LRP1B: variants seen among roughly 807,000 people sequenced by gnomAD.
The protein encoded by LRP1B is low-density lipoprotein receptor-related protein 1B.
A neutral mutation model predicts 556.6 loss-of-function variants in LRP1B; 217 were observed. The ratio of observed to expected loss-of-function variants is 0.39; its 90% CI spans 0.35 to 0.44. LRP1B has a LOEUF of 0.44. Ranked by LOEUF, LRP1B falls within the 20% of genes least tolerant of loss-of-function variation. LRP1B has a pLI of 1.00. For missense variants in LRP1B, 5,053 were observed against 5,620.8 expected (o/e 0.90, Z 3.23); for synonymous variants, 2,047 against 1,865.8 (o/e 1.10, Z -2.50).
chr2:140,620,927 T>C (rs1375846114), intron 41 of LRP1B, among the ~76,000 whole-genome samples: 1 of 152,102 alleles, frequency 6.6e-6, no homozygotes, highest in Non-Finnish European at 1.5e-5. Flanking sequence ...CCAGGATTGT[T>C]TTAATAGCAT....
intron 2 of LRP1B, among the ~76,000 whole-genome samples, chr2:141,667,391 T>C (rs1690483862): frequency 6.6e-6 from 1 of 152,164 alleles, no homozygotes; most frequent in African/African-American, 2.4e-5. Flanking sequence ...TATACGTATA[T>C]TTAAAAGAAA....
At chr2:140,633,141 G>A (rs1683951039) in intron 41 of LRP1B, among the ~76,000 whole-genome samples, 1 of 151,452 alleles carries the variant, frequency 6.6e-6, no homozygotes, top group South Asian at 2.1e-4. Context: ...ATGAGATGGA[G>A]AAAAATATAC....
At chr2:140,923,258 A>G (rs962470101) in intron 20 of LRP1B, 111 bp from the exon 21 acceptor site, 7 of 729,064 alleles carry the variant, frequency 9.6e-6, no homozygotes, top group East Asian at 2.7e-5. Context: ...TTCAGGCATT[A>G]TTATAATGCT....
chr2:141,846,965 C>T (rs1321809203), intron 1 of LRP1B, among the ~76,000 whole-genome samples: 1 of 151,368 alleles, frequency 6.6e-6, no homozygotes, highest in Non-Finnish European at 1.5e-5. Context: ...TCCTATGCTA[C>T]TCAAGAGTTC....
At chr2:140,839,210 T>G (rs1297698521) in intron 31 of LRP1B, among the ~76,000 whole-genome samples, 2 of 152,240 alleles carry the variant, frequency 1.3e-5, no homozygotes, top group African/African-American at 4.8e-5. Flanking sequence ...ATTAAATTAA[T>G]GTAACTTCAT....
rs529610853 is a variant in LRP1B, at chr2:141,274,650, A to C, written c.344-20009T>G. ...TGCAGTGATGGTTGCACAACTATAA[A>C]TATATTAAAAATCTTTAGATTTTCA... On this transcript the variant is annotated intron_variant, in intron 3 of 90. Coordinates refer to ENST00000389484, the MANE Select transcript of LRP1B (RefSeq NM_018557.3). Among the ~76,000 whole-genome samples, 52 of 152,290 alleles carry C rather than the reference A, an allele frequency of 3.4e-4. 1 individual carries two copies. Among genetic ancestry groups the C allele is most frequent in the Admixed American group, 3.4e-3 (52 of 15,302 alleles).
intron 1 of LRP1B, among the ~76,000 whole-genome samples, chr2:142,010,183 A>C (rs1702912684): frequency 6.6e-6 from 1 of 152,098 alleles, no homozygotes; most frequent in African/African-American, 2.4e-5. Context: ...AGTACAGGCC[A>C]GGGATGCTAC....
intron 2 of LRP1B, among the ~76,000 whole-genome samples, chr2:141,660,433 A>G (rs1690170869): frequency 6.6e-6 from 1 of 152,006 alleles, no homozygotes; most frequent in African/African-American, 2.4e-5. Context: ...CTGAGTTCTC[A>G]GGGAGTGGGG....
intron 41 of LRP1B, among the ~76,000 whole-genome samples, chr2:140,672,730 C>T (rs1182423452): frequency 1.3e-5 from 2 of 152,094 alleles, no homozygotes; most frequent in African/African-American, 4.8e-5. Flanking sequence ...ATTTCCTCCT[C>T]TCTCTTTCTC....
intron 80 of LRP1B, among the ~76,000 whole-genome samples, chr2:140,325,497 G>A (rs186459757): frequency 3.9e-5 from 6 of 152,184 alleles, no homozygotes; most frequent in Admixed American, 6.6e-5. Context: ...GAATAGCCAC[G>A]GAAGCCACAG....
At chr2:140,492,482 A>T (rs769715714) in intron 57 of LRP1B, 126 bp downstream of exon 57, 107 of 635,350 alleles carry the variant, frequency 1.7e-4, no homozygotes, top group Non-Finnish European at 2.7e-4. Context: ...ATATTTTCAA[A>T]GAAAATATTT....
chr2:141,624,377 G>T (rs909736088), intron 2 of LRP1B, among the ~76,000 whole-genome samples: 9 of 152,136 alleles, frequency 5.9e-5, no homozygotes, highest in Non-Finnish European at 1.2e-4. Context: ...ACATCTAAAA[G>T]TATCAACAGC....
chr2:140,349,702 T>G lies in LRP1B; in HGVS notation c.11892+1095A>C, dbSNP rs1007569014. On this transcript the variant is annotated intron_variant, in intron 77 of 90. Transcript: ENST00000389484. Reference sequence around the variant, plus strand: ...CTCCATTCATTAACAACAGATGCCATGTTACCGTAGAAGCAATGTTTTCAA... The same window carrying G: ...CTCCATTCATTAACAACAGATGCCAGGTTACCGTAGAAGCAATGTTTTCAA... Among the ~76,000 whole-genome samples, 7 of 152,162 alleles carry G rather than the reference T, an allele frequency of 4.6e-5. No individual in the cohort carries two copies. The East Asian group carries it at 1.4e-3, about 29-fold the overall frequency.
At chr2:141,473,714 A>G (rs753076031) in intron 3 of LRP1B, among the ~76,000 whole-genome samples, 18 of 152,054 alleles carry the variant, frequency 1.2e-4, no homozygotes, top group Non-Finnish European at 2.6e-4. Context: ...TTAGCTGTAG[A>G]CTTATTGATG....
chr2:140,948,455 CTAAA>C (rs567546974), intron 20 of LRP1B, among the ~76,000 whole-genome samples: 1 of 152,130 alleles, frequency 6.6e-6, no homozygotes, highest in African/African-American at 2.4e-5. Context: ...CATGCAACAA[CTAAA>C]TAGAGAAATG....
At chr2:140,573,957 G>T (rs1681422786) in intron 43 of LRP1B, among the ~76,000 whole-genome samples, 1 of 151,916 alleles carries the variant, frequency 6.6e-6, no homozygotes, top group African/African-American at 2.4e-5. Flanking sequence ...GCTTCTTATG[G>T]CCTATAAATA....
intron 3 of LRP1B, among the ~76,000 whole-genome samples, chr2:141,427,352 A>G (rs1680408254): frequency 6.6e-6 from 1 of 152,206 alleles, no homozygotes; most frequent in Non-Finnish European, 1.5e-5. Context: ...TAGCAAATAA[A>G]TTTTAAAAAG....
intron 2 of LRP1B, among the ~76,000 whole-genome samples, chr2:141,658,569 T>A (rs1690099080): frequency 6.6e-6 from 1 of 152,208 alleles, no homozygotes; most frequent in African/African-American, 2.4e-5. Flanking sequence ...TTTTTCATCT[T>A]ACCTGTCGGG....
At chr2:141,498,234 A>G (rs1419051863) in intron 2 of LRP1B, among the ~76,000 whole-genome samples, 3 of 147,184 alleles carry the variant, frequency 2.0e-5, no homozygotes, top group Non-Finnish European at 4.5e-5. Flanking sequence ...AACCAAACAA[A>G]CAAAAAACAG....
Sources: gnomAD v4.1 joint callset for allele counts (sites outside exome capture counted in the v4.1 genomes callset) on GRCh38, gnomAD v4.1.1 for gene constraint, MANE v1.5 for transcripts, NCBI Gene and HGNC (gene_info 2026-07-23, HGNC 2026-07-21) for gene names.